Variants in ECI2 observed in about 807,000 individuals in gnomAD.
ECI2 encodes the protein enoyl-CoA delta isomerase 2.
Under a neutral mutation model 38.4 loss-of-function variants are expected in ECI2, and 27 were observed. That is an observed-to-expected ratio of 0.70 (90% CI 0.52 to 0.97). The LOEUF is 0.97. ECI2 is among the 50% of genes least tolerant of loss of function. ECI2 has a pLI of 0.00. For missense variants in ECI2, 470 were observed against 474.4 expected, an observed-to-expected ratio of 0.99 and a Z score of 0.09; for synonymous variants, 168 against 172.0, an observed-to-expected ratio of 0.98 and a Z score of 0.18.
rs747534888 is a variant in ECI2 at position 4,130,569 on chromosome 6, A to G, written c.313-9T>C. 8 of 1,614,228 alleles carry G rather than the reference A, an allele frequency of 5.0e-6. No homozygotes were observed. The South Asian group carries it at 8.8e-5, about 18-fold the overall frequency. ...TTCTGCCTGGCAGCTTCCTGAACGGACGATGACAAACAACCTCAGCCCATG... is the reference window on the plus strand; with the variant it reads ...TTCTGCCTGGCAGCTTCCTGAACGGGCGATGACAAACAACCTCAGCCCATG... On this transcript the variant is annotated splice_polypyrimidine_tract_variant and intron_variant, in intron 3 of 9. Coordinates refer to ENST00000380118, the MANE Select transcript of ECI2 (RefSeq NM_206836.3).
In ECI2 at chr6:4,126,175, C is replaced by T. The variant is rs1448167705; in HGVS notation, c.634G>A (p.Gly212Arg). Residue 212 changes from glycine (G) to arginine (R), a missense_variant, in exon 6 of 10, where the codon GGA becomes AGA. By Grantham distance (125) the Gly-to-Arg change is moderately radical (BLOSUM62 -2). Coordinates refer to ENST00000380118, the MANE Select transcript of ECI2 (RefSeq NM_206836.3). Reference sequence around the variant, plus strand: ...TTATTTTTAGCTTTCTCCTCTACTCCACCAGGGGGAATATCAGTGAAGTTA... The same window carrying T: ...TTATTTTTAGCTTTCTCCTCTACTCTACCAGGGGGAATATCAGTGAAGTTA... ...LTNFTDIPPG[G>R]VEEKAKNNAV... 6.2e-7 allele frequency: 1 copy of T among 1,613,974 alleles called. No individual in the cohort carries two copies.
At position 4,118,820 on chromosome 6, in the gene ECI2, G is replaced by C. The variant is rs1772457051; in HGVS notation, c.885+366C>G. The C allele has an allele frequency of 1.7e-5, 3 of 172,152 alleles. No individual in the cohort carries two copies. The South Asian group carries it at 4.4e-4, about 26-fold the overall frequency. 10.7% of individuals were successfully genotyped at this position (172,152 alleles called of 1,614,324 possible). On this transcript the variant is annotated intron_variant, in intron 8 of 9. Transcript: ENST00000380118. ...TACTGGTCATCCATAAAGGAACCGA[G>C]TGGCCTCCAAACTCAGGGGACCAAG...
rs888822073 is a variant in ECI2 at position 4,131,859 on chromosome 6, AAAAAC to A, written c.214-999_214-995del. On this transcript the variant is annotated intron_variant, in intron 2 of 9. Transcript: ENST00000380118. ...GTGACAGAGCAAAACTCTGTCTCAA[AAAAAC>A]AAAATAAAAACAAAAGAAAAAAGAA... is the stretch of plus-strand genomic sequence containing the variant. Among the ~76,000 whole-genome samples, 8 of 146,790 alleles carry A rather than the reference AAAAAC, an allele frequency of 5.4e-5. No individual in the cohort carries two copies. The East Asian group carries it at 1.6e-3, about 29-fold the overall frequency.
intron 2 of ECI2, among the ~76,000 whole-genome samples, chr6:4,132,976 C>G (rs529261960): frequency 2.0e-5 from 3 of 152,224 alleles, no homozygotes; most frequent in Admixed American, 2.0e-4. Context: ...GTTGGCCAGG[C>G]TGGTCTCAAA....
intron 5 of ECI2, among the ~76,000 whole-genome samples, chr6:4,127,270 A>G (rs925609645): frequency 1.3e-5 from 2 of 152,136 alleles, no homozygotes; most frequent in African/African-American, 4.8e-5. Flanking sequence ...CTGCTCCTGT[A>G]AAAGTCTTTT....
At chr6:4,126,892 C>T (rs1773197919) in intron 5 of ECI2, among the ~76,000 whole-genome samples, 1 of 152,084 alleles carries the variant, frequency 6.6e-6, no homozygotes. Flanking sequence ...ATTTTAAATA[C>T]CCACAAGATC....
chr6:4,135,212 C>T (rs1773669477), intron 1 of ECI2: 3 of 828,544 alleles, frequency 3.6e-6, no homozygotes, highest in Non-Finnish European at 5.7e-6. Flanking sequence ...GCCCGGAGTC[C>T]GGCCCCAGGA....
intron 4 of ECI2, among the ~76,000 whole-genome samples, chr6:4,128,333 G>A (rs1314119090): frequency 6.6e-6 from 1 of 152,092 alleles, no homozygotes. Context: ...GTTAGTGACT[G>A]CCAAAAGGCT....
intron 5 of ECI2, 119 bp from the exon 6 acceptor site, chr6:4,126,356 C>A (rs1359034154): frequency 2.5e-6 from 2 of 791,450 alleles, no homozygotes; most frequent in Non-Finnish European, 4.0e-6. Context: ...AGCAATGGTT[C>A]CTGCCCTAAC....
intron 7 of ECI2, among the ~76,000 whole-genome samples, chr6:4,120,980 G>A (rs1772700090): frequency 6.6e-6 from 1 of 152,184 alleles, no homozygotes; most frequent in Non-Finnish European, 1.5e-5. Flanking sequence ...ATACCTAAGT[G>A]GTATGGCTGG....
At chr6:4,117,207 ATG>A (rs959914951) in intron 9 of ECI2, 99 bp downstream of exon 9, 1 of 1,409,104 alleles carries the variant, frequency 7.1e-7, no homozygotes, top group African/African-American at 1.5e-5. Context: ...GTAACTAAAG[ATG>A]TGTCTTGTGC....
At chr6:4,120,740 A>T (rs1333747213) in intron 7 of ECI2, among the ~76,000 whole-genome samples, 1 of 152,086 alleles carries the variant, frequency 6.6e-6, no homozygotes, top group African/African-American at 2.4e-5. Context: ...AAGGTATAGT[A>T]AGATATGGTG....
chr6:4,130,003 A>G, intron 4 of ECI2: 1 of 992,256 alleles, frequency 1.0e-6, no homozygotes, highest in Non-Finnish European at 1.5e-6. Flanking sequence ...CCGTGCAAGC[A>G]GAAAGACTTA....
intron 1 of ECI2, chr6:4,135,030 T>C (rs1182713670): frequency 1.2e-5 from 5 of 430,920 alleles, no homozygotes; most frequent in Non-Finnish European, 2.4e-5. Flanking sequence ...CGTTACTCTG[T>C]ACCCGGCCAT....
rs1267657293 is a variant in ECI2 at position 4,115,832 on chromosome 6, C to A, written c.*42G>T. 16 of 1,576,762 alleles carry A rather than the reference C, an allele frequency of 1.0e-5. No individual in the cohort carries two copies. The highest frequency in any genetic ancestry group is 1.8e-5 in the Admixed American group (1 of 55,072). ...CAGTACTGGAAATCAGAGGTAACAGCACATCCTTCCTTGGACATGCTTTAC... is the reference window on the plus strand; with the variant it reads ...CAGTACTGGAAATCAGAGGTAACAGAACATCCTTCCTTGGACATGCTTTAC... On this transcript the variant is annotated 3_prime_UTR_variant, in exon 10 of 10. Transcript: ENST00000380118.
At position 4,127,851 on chromosome 6, in the gene ECI2, GGAAAA is replaced by G. The variant is rs755079379; in HGVS notation, c.502-25_502-21del. 83 of 1,602,640 alleles carry G rather than the reference GGAAAA, an allele frequency of 5.2e-5. No homozygotes were observed. The African/African-American group carries it at 8.6e-4, about 17-fold the overall frequency. ...ATACATCTGTGTAATGGGAAGACAA[GGAAAA>G]GAAAAGAACTCTGAACACAGGAATC... On this transcript the variant is annotated intron_variant, in intron 4 of 9. Transcript: ENST00000380118.
intron 5 of ECI2, among the ~76,000 whole-genome samples, chr6:4,127,283 T>A (rs934289347): frequency 6.6e-6 from 1 of 152,188 alleles, no homozygotes; most frequent in East Asian, 1.9e-4. Flanking sequence ...AGTCTTTTGG[T>A]GGACATATGT....
chr6:4,135,537 C>A lies in ECI2; in HGVS notation c.24G>T (p.Trp8Cys), dbSNP rs1328940929. The part of the protein sequence containing the change: MAMAYLA[W>C]RLARRSCPSS... The stretch of plus-strand genomic sequence containing the variant: ...TCGGACACGAACGCCGCGCCAGTCT[C>A]CAAGCCAAGTACGCCATCGCCATCC... The change falls in exon 1 of 10, where the codon TGG (tryptophan) becomes TGT (cysteine). Residue 8 changes from tryptophan to cysteine, a missense_variant. Trp to Cys is a radical substitution (Grantham distance 215). Transcript: ENST00000380118. 7 of 1,611,448 alleles carry A rather than the reference C, an allele frequency of 4.3e-6. No homozygotes were observed. The highest frequency in any genetic ancestry group is 2.7e-5 in the African/African-American group (2 of 74,572).
rs1773065986 is a variant in ECI2, at chr6:4,125,230, C to G, written c.795+20G>C. The G allele has an allele frequency of 4.3e-6, 7 of 1,613,030 alleles. No individual in the cohort carries two copies. The highest frequency in any genetic ancestry group is 2.2e-5 in the South Asian group (2 of 90,994). The stretch of plus-strand genomic sequence containing the variant: ...CTCGCGCTGCTTGCCTGACCTCTTG[C>G]TTTCTAGGAGCTGACTTACCCTGTC... On this transcript the variant is annotated intron_variant, in intron 7 of 9. Coordinates refer to ENST00000380118, the MANE Select transcript of ECI2 (RefSeq NM_206836.3).
Sources: allele counts gnomAD v4.1 joint callset (sites outside exome capture counted in the v4.1 genomes callset), GRCh38; gene constraint gnomAD v4.1.1; transcripts MANE v1.5; gene names NCBI Gene and HGNC (gene_info 2026-07-23, HGNC 2026-07-21).